REC114: variants seen among roughly 807,000 people sequenced by gnomAD.
REC114 encodes the protein meiotic recombination protein REC114.
Under a neutral mutation model 31.3 loss-of-function variants are expected in REC114, and 27 were observed. The observed-to-expected ratio is 0.86, with a 90% confidence interval of 0.64 to 1.19. The LOEUF (loss-of-function observed/expected upper bound fraction) is 1.19, where lower values mean the gene tolerates loss of function less well. Among genes scored for constraint, REC114 ranks in the 50% most tolerant of loss-of-function variants. The probability of loss-of-function intolerance (pLI) is 0.00; values close to 1 mark genes in which losing one functional copy is unlikely to be tolerated. For missense variants in REC114, 344 were observed against 326.9 expected, an observed-to-expected ratio of 1.05 and a Z score of -0.40; for synonymous variants, 134 against 127.7, an observed-to-expected ratio of 1.05 and a Z score of -0.33.
intron 3 of REC114, among the ~76,000 whole-genome samples, chr15:73,550,019 A>G (rs1025198804): frequency 6.6e-6 from 1 of 152,158 alleles, no homozygotes; most frequent in African/African-American, 2.4e-5. Flanking sequence ...CATGGTATAT[A>G]TATTTCATGA....
At chr15:73,465,510 T>A (rs546371434) in intron 1 of REC114, among the ~76,000 whole-genome samples, 12 of 152,212 alleles carry the variant, frequency 7.9e-5, no homozygotes, top group Non-Finnish European at 1.6e-4. Flanking sequence ...GTAACATCTG[T>A]GTCCTGTCTT....
chr15:73,524,897 C>G (rs1450867533), intron 2 of REC114, among the ~76,000 whole-genome samples: 1 of 152,158 alleles, frequency 6.6e-6, no homozygotes, highest in Non-Finnish European at 1.5e-5. Context: ...CTGTGCCTGG[C>G]CCAAAAGCAG....
At chr15:73,541,603 C>T (rs1894237662) in intron 3 of REC114, among the ~76,000 whole-genome samples, 1 of 152,160 alleles carries the variant, frequency 6.6e-6, no homozygotes, top group Non-Finnish European at 1.5e-5. Flanking sequence ...CAGATTGCCA[C>T]AGGGATCTGG....
intron 3 of REC114, among the ~76,000 whole-genome samples, chr15:73,544,121 T>TA (rs1894277959): frequency 6.6e-6 from 1 of 152,110 alleles, no homozygotes; most frequent in Admixed American, 6.5e-5. Context: ...AATGGTTCGA[T>TA]ATTCTTTATC....
chr15:73,534,830 C>G (rs1394765447), intron 2 of REC114, among the ~76,000 whole-genome samples: 3 of 147,390 alleles, frequency 2.0e-5, no homozygotes, highest in Non-Finnish European at 4.5e-5. Context: ...GCTTATCCAC[C>G]ATGATCAAGT....
chr15:73,506,345 G>A (rs1005590547), intron 2 of REC114, among the ~76,000 whole-genome samples: 5 of 152,036 alleles, frequency 3.3e-5, no homozygotes, highest in East Asian at 1.9e-4. Context: ...ACTTAGTATT[G>A]TCTAAACTGT....
At chr15:73,450,045 G>A (rs182412359) in intron 1 of REC114, among the ~76,000 whole-genome samples, 2 of 152,312 alleles carry the variant, frequency 1.3e-5, no homozygotes, top group East Asian at 3.9e-4. Flanking sequence ...ATACCAAATT[G>A]TAAAGACCAT....
chr15:73,458,019 C>A (rs1190197753), intron 1 of REC114, among the ~76,000 whole-genome samples: 1 of 152,136 alleles, frequency 6.6e-6, no homozygotes, highest in Non-Finnish European at 1.5e-5. Flanking sequence ...TGGGGTGCTT[C>A]TTGAAAATGC....
At chr15:73,540,804 G>C (rs1327405229) in intron 3 of REC114, among the ~76,000 whole-genome samples, 3 of 152,120 alleles carry the variant, frequency 2.0e-5, no homozygotes, top group African/African-American at 7.2e-5. Flanking sequence ...GCGTCTGATG[G>C]AGCTGTGCAG....
intron 1 of REC114, among the ~76,000 whole-genome samples, chr15:73,462,051 C>T (rs1892997142): frequency 6.6e-6 from 1 of 150,876 alleles, no homozygotes; most frequent in South Asian, 2.1e-4. Context: ...CCTGCCTCGG[C>T]CTCCTTAGTA....
At chr15:73,489,667 A>C (rs1893418927) in intron 2 of REC114, among the ~76,000 whole-genome samples, 1 of 151,600 alleles carries the variant, frequency 6.6e-6, no homozygotes. Flanking sequence ...AACTTATGTA[A>C]GTTTCAACAT....
chr15:73,451,903 T>TG (rs1194118152), intron 1 of REC114, among the ~76,000 whole-genome samples: 16 of 152,332 alleles, frequency 1.1e-4, no homozygotes, highest in African/African-American at 3.6e-4. Context: ...TCTCAATAGA[T>TG]GCAGAAAAGG....
intron 2 of REC114, among the ~76,000 whole-genome samples, chr15:73,505,043 T>A (rs925167413): frequency 6.6e-6 from 1 of 152,118 alleles, no homozygotes; most frequent in Non-Finnish European, 1.5e-5. Flanking sequence ...AGTGACCTTT[T>A]TTTTTCCTTA....
At chr15:73,457,065 CTTTTTTT>C (rs934090597) in intron 1 of REC114, among the ~76,000 whole-genome samples, 4 of 68,014 alleles carry the variant, frequency 5.9e-5, no homozygotes, top group African/African-American at 1.7e-4. Context: ...TATTTCTGAG[CTTTTTTT>C]TTTTTTTTTT....
intron 2 of REC114, among the ~76,000 whole-genome samples, chr15:73,530,302 A>G (rs1894059796): frequency 6.6e-6 from 1 of 152,228 alleles, no homozygotes; most frequent in Admixed American, 6.5e-5. Context: ...CTATCTTATT[A>G]TTCCCTTTTG....
chr15:73,447,635 G>A (rs1016016506), intron 1 of REC114, among the ~76,000 whole-genome samples: 2 of 149,762 alleles, frequency 1.3e-5, no homozygotes. Context: ...GCAACAGAGT[G>A]AGACTCTGTC....
At chr15:73,553,724 A>G (rs1471686260) in intron 4 of REC114, among the ~76,000 whole-genome samples, 5 of 152,212 alleles carry the variant, frequency 3.3e-5, no homozygotes, top group South Asian at 4.1e-4. Flanking sequence ...CTCTGATGTT[A>G]AAGACTGGTC....
chr15:73,479,829 C>T (rs1287812083), intron 2 of REC114, among the ~76,000 whole-genome samples: 1 of 152,110 alleles, frequency 6.6e-6, no homozygotes. Flanking sequence ...TTTTTATCCA[C>T]TTATCCACTG....
At chr15:73,545,009 T>C (rs781724324) in intron 3 of REC114, among the ~76,000 whole-genome samples, 1 of 152,200 alleles carries the variant, frequency 6.6e-6, no homozygotes, top group South Asian at 2.1e-4. Flanking sequence ...GAACACCTAC[T>C]GTGGAGCCTG....
Sources: gnomAD v4.1 joint callset for allele counts (sites outside exome capture counted in the v4.1 genomes callset) on GRCh38, gnomAD v4.1.1 for gene constraint, MANE v1.5 for transcripts, NCBI Gene and HGNC (gene_info 2026-07-23, HGNC 2026-07-21) for gene names.